The following XXYLT1 variants were observed in gnomAD, a reference collection of about 807,000 sequenced individuals.
XXYLT1 encodes the protein xyloside xylosyltransferase 1.
In XXYLT1, 20 loss-of-function variants were observed where a neutral mutation model predicts 28.9. The observed-to-expected ratio is 0.69, with a 90% CI of 0.49 to 1.00. The LOEUF is 1.00. XXYLT1 is among the 50% of genes least tolerant of loss of function. XXYLT1 has a pLI of 0.00. For missense variants in XXYLT1, 542 were observed against 560.1 expected (o/e 0.97, Z 0.33); for synonymous variants, 257 against 253.8 (o/e 1.01, Z -0.12).
At chr3:195,137,190 G>A (rs1185186003) in intron 3 of XXYLT1, among the ~76,000 whole-genome samples, 1 of 152,166 alleles carries the variant, frequency 6.6e-6, no homozygotes, top group Non-Finnish European at 1.5e-5. Context: ...GAAACAAAGT[G>A]GGGTGTGACA....
intron 3 of XXYLT1, among the ~76,000 whole-genome samples, chr3:195,137,259 A>C (rs745851775): frequency 6.6e-6 from 1 of 152,182 alleles, no homozygotes; most frequent in African/African-American, 2.4e-5. Flanking sequence ...TACAAACTGA[A>C]GTTTGAGATG....
At chr3:195,262,092 C>A (rs1560181935) in intron 1 of XXYLT1, among the ~76,000 whole-genome samples, 1 of 152,196 alleles carries the variant, frequency 6.6e-6, no homozygotes, top group Non-Finnish European at 1.5e-5. Context: ...CGGAAACAAC[C>A]CAAATGTCCA....
intron 1 of XXYLT1, among the ~76,000 whole-genome samples, chr3:195,237,774 A>G (rs1337367800): frequency 6.6e-6 from 1 of 151,984 alleles, no homozygotes; most frequent in Non-Finnish European, 1.5e-5. Flanking sequence ...CTTCTAAGGT[A>G]CCGTTTCCTT....
At chr3:195,081,881 C>CA (rs1715453501) in intron 3 of XXYLT1, among the ~76,000 whole-genome samples, 2 of 152,194 alleles carry the variant, frequency 1.3e-5, no homozygotes, top group Admixed American at 1.3e-4. Context: ...CTGGGCAAAT[C>CA]ACTTCCCCTG....
At chr3:195,228,678 T>C (rs561239335) in intron 1 of XXYLT1, among the ~76,000 whole-genome samples, 84 of 149,294 alleles carry the variant, frequency 5.6e-4, no homozygotes, top group South Asian at 2.9e-3. Flanking sequence ...TTAGTAGAGA[T>C]GGGGTTTCAC....
At chr3:195,196,365 C>T (rs1345865097) in intron 2 of XXYLT1, among the ~76,000 whole-genome samples, 1 of 152,218 alleles carries the variant, frequency 6.6e-6, no homozygotes, top group Non-Finnish European at 1.5e-5. Context: ...GTGGCACTCA[C>T]CCTGCCCTAT....
intron 1 of XXYLT1, among the ~76,000 whole-genome samples, chr3:195,233,276 T>A (rs1189144382): frequency 6.6e-6 from 1 of 152,218 alleles, no homozygotes; most frequent in African/African-American, 2.4e-5. Context: ...ATGAAGTGTG[T>A]TTCCTGTAGG....
chr3:195,226,598 T>C lies in XXYLT1; in HGVS notation c.652+111A>G, dbSNP rs182243429. 959 of 1,382,074 alleles carry C rather than the reference T, an allele frequency of 6.9e-4. 10 individuals are homozygous for C. The African/African-American group carries it at 0.012, about 17-fold the overall frequency. The allele number at this position is 1,382,074 out of a possible 1,614,324, so 85.6% of individuals were successfully genotyped here. A position where few individuals can be genotyped will look rare whatever the true frequency, so the allele number is the denominator to read the frequency against. ...TCTGGCTCCCTCGTCCACTCTTTCA[T>C]GTTCAGTGGAGCTATTCTCCCTGAT... On this transcript the variant is annotated intron_variant, in intron 2 of 3. Transcript: ENST00000310380.
At chr3:195,095,300 G>A (rs73890670) in intron 3 of XXYLT1, 8,634 of 153,802 alleles carry the variant, frequency 0.056, 413 homozygotes, top group African/African-American at 0.12. Flanking sequence ...TCCCTGTGGC[G>A]GTGGTGAGTG....
chr3:195,148,846 G>A (rs1156655938), intron 3 of XXYLT1, among the ~76,000 whole-genome samples: 1 of 152,170 alleles, frequency 6.6e-6, no homozygotes, highest in Non-Finnish European at 1.5e-5. Flanking sequence ...CAGCAGATGT[G>A]TTTTTAAGAA....
Position 195,133,619 on chromosome 3 carries a change from G to A in XXYLT1, c.785+22830C>T, listed in dbSNP as rs1053510375. Among the ~76,000 whole-genome samples the A allele has an allele frequency of 1.3e-5, 2 of 152,194 alleles. No individual in the cohort carries two copies. The highest frequency in any genetic ancestry group is 1.3e-4 in the Admixed American group (2 of 15,278). On this transcript the variant is annotated intron_variant, in intron 3 of 3. Transcript: ENST00000310380. The surrounding 1 kb of genome is among the most constrained non-coding windows in gnomAD (Gnocchi z 4.4). ...CCTAACAAGCAGAGGCGGACGAGCTGCTGTGCCAAACGCTCCCAGATGCAC... is the reference window on the plus strand; with the variant it reads ...CCTAACAAGCAGAGGCGGACGAGCTACTGTGCCAAACGCTCCCAGATGCAC...
In XXYLT1 at chr3:195,187,537, C is replaced by G. The variant is rs77555084; in HGVS notation, c.653-30956G>C. 1.5e-4 allele frequency among the ~76,000 whole-genome samples: 23 copies of G among 152,320 alleles called. No individual in the cohort carries two copies. The East Asian group carries it at 4.4e-3, about 29-fold the overall frequency. On this transcript the variant is annotated intron_variant, in intron 2 of 3. Transcript: ENST00000310380. ...ACAGTCAATCAATCAGACAGGCAAT[C>G]TCTTCCTAATAACTTGTCCTAGTGT...
At chr3:195,070,174 C>T (rs1714723463) in intron 3 of XXYLT1, 63 bp from the exon 4 acceptor site, 5 of 1,496,636 alleles carry the variant, frequency 3.3e-6, no homozygotes, top group African/African-American at 1.4e-5. Flanking sequence ...GGCCTGCTGC[C>T]CTGGGTCTTC....
intron 2 of XXYLT1, among the ~76,000 whole-genome samples, chr3:195,163,739 T>C (rs1335247156): frequency 1.3e-5 from 2 of 152,198 alleles, no homozygotes; most frequent in African/African-American, 4.8e-5. Flanking sequence ...ACGGAGGGCA[T>C]GGCTGCTCCA....
intron 2 of XXYLT1, chr3:195,183,500 C>T (rs1023624306): frequency 4.6e-5 from 7 of 152,158 alleles, no homozygotes; most frequent in African/African-American, 7.2e-5. Flanking sequence ...TTCTTCGTAG[C>T]GGTGTGAGAA....
intron 3 of XXYLT1, among the ~76,000 whole-genome samples, chr3:195,100,712 G>A (rs1198765544): frequency 1.3e-5 from 2 of 152,048 alleles, no homozygotes; most frequent in Non-Finnish European, 2.9e-5. Flanking sequence ...TTCTTGTCAC[G>A]AAAACCCAGC....
chr3:195,252,353 G>C (rs945755311), intron 1 of XXYLT1, among the ~76,000 whole-genome samples: 1 of 152,128 alleles, frequency 6.6e-6, no homozygotes. Flanking sequence ...TAAGCAAATA[G>C]AGAAAAATGT....
At chr3:195,121,712 G>C (rs755076330) in intron 3 of XXYLT1, among the ~76,000 whole-genome samples, 1 of 152,148 alleles carries the variant, frequency 6.6e-6, no homozygotes, top group African/African-American at 2.4e-5. Context: ...TGAGGGCCTC[G>C]TGCTGAGACT....
intron 2 of XXYLT1, among the ~76,000 whole-genome samples, chr3:195,216,848 A>G (rs2108788296): frequency 8.2e-6 from 1 of 122,268 alleles, no homozygotes; most frequent in Non-Finnish European, 1.6e-5. Flanking sequence ...AGCCAGGCAG[A>G]GACACAACAA....
Sources: allele counts gnomAD v4.1 joint callset (sites outside exome capture counted in the v4.1 genomes callset), GRCh38; gene constraint gnomAD v4.1.1; non-coding constraint Gnocchi (gnomAD v3.1); transcripts MANE v1.5; gene names NCBI Gene and HGNC (gene_info 2026-07-23, HGNC 2026-07-21).